The following SLC30A9 variants were observed in gnomAD, a reference collection of about 807,000 sequenced individuals.
SLC30A9 encodes the protein solute carrier family 30 member 9.
A neutral mutation model predicts 87.5 loss-of-function variants in SLC30A9; 58 were observed. The observed-to-expected ratio is 0.66, with a 90% CI of 0.54 to 0.82. SLC30A9 has a LOEUF of 0.82. SLC30A9 is among the 40% of genes least tolerant of loss of function. The pLI, the probability that SLC30A9 is intolerant of heterozygous loss-of-function variation, is 0.00. For synonymous variants in SLC30A9, 234 were observed against 233.0 expected, an observed-to-expected ratio of 1.00 and a Z score of -0.04; for missense variants, 557 against 679.1, an observed-to-expected ratio of 0.82 and a Z score of 2.00.
intron 8 of SLC30A9, among the ~76,000 whole-genome samples, chr4:42,044,086 TA>T (rs909304285): frequency 2.0e-5 from 3 of 152,146 alleles, no homozygotes; most frequent in African/African-American, 7.2e-5. Flanking sequence ...GAAAAACTGG[TA>T]CCAGCCACTG....
intron 1 of SLC30A9, among the ~76,000 whole-genome samples, chr4:41,998,007 C>T (rs1560533201): frequency 6.6e-6 from 1 of 152,176 alleles, no homozygotes; most frequent in South Asian, 2.1e-4. Context: ...GCGGAAGCAA[C>T]GTATACAGTA....
chr4:42,067,947 C>T (rs141646909), intron 14 of SLC30A9, among the ~76,000 whole-genome samples: 7 of 152,228 alleles, frequency 4.6e-5, no homozygotes, highest in African/African-American at 9.6e-5. Context: ...TGTATGAAAG[C>T]GCTCAGCAAG....
Position 42,027,113 on chromosome 4 carries a change from G to A in SLC30A9, c.610+3729G>A, listed in dbSNP as rs549766223. Among the ~76,000 whole-genome samples the A allele has an allele frequency of 3.9e-5, 6 of 152,228 alleles. No individual in the cohort carries two copies. The East Asian group carries it at 7.7e-4, about 20-fold the overall frequency. On this transcript the variant is annotated intron_variant, in intron 6 of 17. Transcript: ENST00000264451. The stretch of plus-strand genomic sequence containing the variant: ...AGCCAGAGTTGGCTAACTATGGCCC[G>A]TGGAACAAATTGGTCTGCTGCCTGT...
rs927333360 is a variant in SLC30A9, at chr4:42,032,035, C to T, written c.611-3240C>T. 5.3e-5 allele frequency among the ~76,000 whole-genome samples: 8 copies of T among 152,204 alleles called. No individual in the cohort carries two copies. In the South Asian group the frequency reaches 6.2e-4, roughly 12 times the overall value. Reference sequence around the variant, plus strand: ...AGCCTCAGGAAGCTTCCAGTCTTGGCGGAAGGCAAAGATGGAACAGGTATC... The same window carrying T: ...AGCCTCAGGAAGCTTCCAGTCTTGGTGGAAGGCAAAGATGGAACAGGTATC... On this transcript the variant is annotated intron_variant, in intron 6 of 17. Transcript: ENST00000264451.
chr4:42,033,294 G>C (rs941227474), intron 6 of SLC30A9, among the ~76,000 whole-genome samples: 1 of 149,320 alleles, frequency 6.7e-6, no homozygotes, highest in African/African-American at 2.5e-5. Context: ...CCTCTCTCTT[G>C]TATAAGTAAC....
intron 1 of SLC30A9, among the ~76,000 whole-genome samples, chr4:41,994,761 G>A (rs576789669): frequency 2.0e-5 from 3 of 149,022 alleles, no homozygotes; most frequent in Admixed American, 1.3e-4. Flanking sequence ...GGTGGTGGGC[G>A]CCTGTAATGA....
At chr4:42,048,094 G>A (rs567690739) in intron 8 of SLC30A9, among the ~76,000 whole-genome samples, 59 of 152,202 alleles carry the variant, frequency 3.9e-4, no homozygotes, top group Non-Finnish European at 7.9e-4. Flanking sequence ...GGTGGCTAGG[G>A]GAGGGATAGC....
chr4:42,064,300 A>G (rs1208859411), intron 11 of SLC30A9, among the ~76,000 whole-genome samples: 1 of 152,160 alleles, frequency 6.6e-6, no homozygotes, highest in Non-Finnish European at 1.5e-5. Context: ...GCCTGAATAG[A>G]TGGTATAACA....
At chr4:42,079,818 A>T (rs1007143222) in intron 17 of SLC30A9, among the ~76,000 whole-genome samples, 1 of 151,676 alleles carries the variant, frequency 6.6e-6, no homozygotes, top group Non-Finnish European at 1.5e-5. Context: ...GGGTTTCACT[A>T]TGTTGGCCAG....
intron 7 of SLC30A9, 56 bp from the exon 8 acceptor site, chr4:42,038,930 C>T (rs12641900): frequency 0.77 from 934,504 of 1,210,064 alleles, 371,584 homozygotes; most frequent in East Asian, 0.97. Flanking sequence ...CCACCAGTTA[C>T]AGTGCTTCTC....
chr4:42,053,649 T>C (rs1446767712), intron 9 of SLC30A9, among the ~76,000 whole-genome samples: 1 of 125,142 alleles, frequency 8.0e-6, no homozygotes, highest in Non-Finnish European at 1.6e-5. Context: ...AGATCCGAGA[T>C]TGCACCACTG....
intron 3 of SLC30A9, among the ~76,000 whole-genome samples, chr4:42,019,778 GTTATT>G (rs1715869033): frequency 6.6e-6 from 1 of 151,938 alleles, no homozygotes; most frequent in East Asian, 1.9e-4. Context: ...CAACTACTCT[GTTATT>G]TTATTTATTT....
At chr4:42,029,720 C>T (rs1303736564) in intron 6 of SLC30A9, 5 of 735,426 alleles carry the variant, frequency 6.8e-6, no homozygotes, top group East Asian at 2.5e-5. Flanking sequence ...CTTACAGCTA[C>T]GAAGAGGGCA....
intron 8 of SLC30A9, among the ~76,000 whole-genome samples, chr4:42,048,101 T>C (rs1210310841): frequency 6.6e-6 from 1 of 151,946 alleles, no homozygotes; most frequent in Non-Finnish European, 1.5e-5. Flanking sequence ...AGGGGAGGGA[T>C]AGCATTAGGA....
chr4:42,072,499 T>A (rs1205064008), intron 15 of SLC30A9, among the ~76,000 whole-genome samples: 2 of 152,122 alleles, frequency 1.3e-5, no homozygotes, highest in East Asian at 3.8e-4. Flanking sequence ...CTTTTTTTAT[T>A]CTTTTCAGTT....
intron 16 of SLC30A9, 99 bp downstream of exon 16, chr4:42,075,885 T>C: frequency 1.7e-6 from 2 of 1,179,562 alleles, no homozygotes; most frequent in South Asian, 1.6e-5. Flanking sequence ...AAAGGCACTT[T>C]AGCTCTCAAC....
chr4:42,007,518 G>A lies in SLC30A9; in HGVS notation c.274+5738G>A, dbSNP rs573213970. On this transcript the variant is annotated intron_variant, in intron 2 of 17. Coordinates refer to ENST00000264451, the MANE Select transcript of SLC30A9 (RefSeq NM_006345.4). The stretch of plus-strand genomic sequence containing the variant: ...TGTAATCTCAGCACTTTGGGAGGCC[G>A]AGGCAGGCTGATCACGAGGTCATGA... Among the ~76,000 whole-genome samples, 155 of 152,196 alleles carry A rather than the reference G, an allele frequency of 1.0e-3. 1 individual carries two copies. Among genetic ancestry groups the A allele is most frequent in the African/African-American group, 3.6e-3 (149 of 41,518 alleles).
At chr4:42,041,771 A>G (rs767306205) in intron 8 of SLC30A9, among the ~76,000 whole-genome samples, 9 of 152,146 alleles carry the variant, frequency 5.9e-5, no homozygotes, top group African/African-American at 9.7e-5. Context: ...GGCGGGCAAG[A>G]TGGCTGGATA....
chr4:42,038,811 T>C (rs560454404), intron 7 of SLC30A9, among the ~76,000 whole-genome samples, 175 bp from the exon 8 acceptor site: 1 of 152,366 alleles, frequency 6.6e-6, no homozygotes, highest in African/African-American at 2.4e-5. Flanking sequence ...GAGACCCAGA[T>C]ATGCTTTCGG....
Sources: gnomAD v4.1 joint callset for allele counts (sites outside exome capture counted in the v4.1 genomes callset) on GRCh38, gnomAD v4.1.1 for gene constraint, MANE v1.5 for transcripts, NCBI Gene and HGNC (gene_info 2026-07-23, HGNC 2026-07-21) for gene names.